MMAA: variants seen among roughly 807,000 people sequenced by gnomAD.
MMAA encodes methylmalonic aciduria type A protein, mitochondrial.
A neutral mutation model predicts 45.0 loss-of-function variants in MMAA; 41 were observed. That is an observed-to-expected ratio of 0.91 (90% CI 0.71 to 1.18). MMAA has a LOEUF of 1.18. Ranked by LOEUF, MMAA falls within the 50% of genes most tolerant of loss-of-function variation. MMAA has a pLI of 0.00. For missense variants in MMAA, 460 were observed against 495.7 expected (o/e 0.93, Z 0.68); for synonymous variants, 154 against 178.2 (o/e 0.86, Z 1.08).
At chr4:145,647,843 GGTTTGTTT>G (rs113872289) in intron 4 of MMAA, among the ~76,000 whole-genome samples, 4,902 of 151,920 alleles carry the variant, frequency 0.032, 101 homozygotes, top group Middle Eastern at 0.082. Context: ...ATAGGAATGT[GGTTTGTTT>G]GTTTGTTTGT....
chr4:145,655,471 T>A lies in MMAA; in HGVS notation c.*37T>A, dbSNP rs962684570. The A allele has an allele frequency of 6.5e-7, 1 of 1,537,376 alleles. No homozygotes were observed. The highest frequency in any genetic ancestry group is 8.9e-7 in the Non-Finnish European group (1 of 1,125,176). On this transcript the variant is annotated 3_prime_UTR_variant, in exon 7 of 7. Coordinates refer to ENST00000649156, the MANE Select transcript of MMAA (RefSeq NM_172250.3). ...CTGTATAATAATTTTACATATCATTTCATAAAGTATTTTAATAGAAAAATC... is the reference window on the plus strand; with the variant it reads ...CTGTATAATAATTTTACATATCATTACATAAAGTATTTTAATAGAAAAATC...
chr4:145,657,642 G>C lies in MMAA; in HGVS notation c.*2208G>C, dbSNP rs138876977. On this transcript the variant is annotated 3_prime_UTR_variant, in exon 7 of 7. Coordinates refer to ENST00000649156, the MANE Select transcript of MMAA (RefSeq NM_172250.3). ...TGTACAGTGCTTAGCCTCAATAATT[G>C]GTAGGTGGTGGTGTAAATATTTTAC... 6.6e-6 allele frequency: 1 copy of C among 152,114 alleles called. No individual in the cohort carries two copies. The highest frequency in any genetic ancestry group is 1.9e-4 in the East Asian group (1 of 5,198). The allele number at this position is 152,114 out of a possible 1,614,324, so 9.4% of individuals were successfully genotyped here. A position where few individuals can be genotyped will look rare whatever the true frequency, so the allele number is the denominator to read the frequency against.
chr4:145,624,807 C>T (rs1734166209), intron 1 of MMAA: 4 of 1,606,884 alleles, frequency 2.5e-6, no homozygotes, highest in African/African-American at 2.7e-5. Context: ...CTCATTGGCT[C>T]TGCACACCTC....
chr4:145,647,925 C>T (rs892020842), intron 4 of MMAA, among the ~76,000 whole-genome samples: 12 of 151,062 alleles, frequency 7.9e-5, no homozygotes, highest in African/African-American at 1.5e-4. Context: ...TGCGGGGTCT[C>T]GGCTCACTGC....
Position 145,652,224 on chromosome 4 carries a change from A to G in MMAA, c.819+1077A>G, listed in dbSNP as rs946440918. ...GGCATATTGATGTGTATCACCAACC[A>G]GAAGGCTCCCCTGAGCTTTAGTGTC... On this transcript the variant is annotated intron_variant, in intron 5 of 6. Transcript: ENST00000649156. Among the ~76,000 whole-genome samples the G allele has an allele frequency of 2.0e-5, 3 of 152,148 alleles. No homozygotes were observed. The East Asian group carries it at 5.8e-4, about 29-fold the overall frequency.
intron 3 of MMAA, among the ~76,000 whole-genome samples, chr4:145,643,436 T>G (rs1727841842): frequency 6.6e-6 from 1 of 152,146 alleles, no homozygotes; most frequent in South Asian, 2.1e-4. Context: ...TATGGAAGTA[T>G]TTGGTTTTTG....
intron 6 of MMAA, among the ~76,000 whole-genome samples, chr4:145,654,934 C>T (rs1029738724): frequency 6.6e-6 from 1 of 152,130 alleles, no homozygotes; most frequent in African/African-American, 2.4e-5. Context: ...GACCTTGAAT[C>T]AGTGTTTTAT....
chr4:145,625,067 T>A, intron 1 of MMAA: 1 of 925,740 alleles, frequency 1.1e-6, no homozygotes, highest in Non-Finnish European at 1.8e-6. Flanking sequence ...ACTGCCATTC[T>A]CGGGCTTCCC....
At chr4:145,624,682 T>C (rs1734163417) in intron 1 of MMAA, 2 of 1,501,384 alleles carry the variant, frequency 1.3e-6, no homozygotes, top group Non-Finnish European at 1.8e-6. Flanking sequence ...GGCTCAGGTT[T>C]GGGTTCCATG....
At chr4:145,632,112 A>G (rs927996113) in intron 1 of MMAA, among the ~76,000 whole-genome samples, 1 of 152,228 alleles carries the variant, frequency 6.6e-6, no homozygotes, top group Non-Finnish European at 1.5e-5. Context: ...TTGTACCTTC[A>G]GATGATTTCT....
intron 1 of MMAA, chr4:145,624,162 C>T (rs1734147975): frequency 4.7e-6 from 5 of 1,058,432 alleles, no homozygotes; most frequent in Non-Finnish European, 7.4e-6. Context: ...CACTCCTTCA[C>T]ATCTGTAGAG....
At chr4:145,620,078 A>G (rs1332681641) in intron 1 of MMAA, among the ~76,000 whole-genome samples, 1 of 152,248 alleles carries the variant, frequency 6.6e-6, no homozygotes, top group Non-Finnish European at 1.5e-5. Context: ...AACATAAACT[A>G]ATAAAACTTT....
At position 145,639,525 on chromosome 4, in the gene MMAA, AC is replaced by A; in HGVS notation, c.388del (p.His130ThrfsTer13). On this transcript the variant is annotated frameshift_variant, in exon 2 of 7. Transcript: ENST00000649156. LOFTEE classifies it high-confidence loss of function. ...AQVLLQKVLL[Y>X]HREQEQSNKG... ...GTGCTTCTTCAGAAAGTATTACTTT[AC>A]CACAGAGAACAAGAACAATCAAATA... 6.2e-7 allele frequency: 1 copy of A among 1,613,324 alleles called. No individual in the cohort carries two copies.
intron 6 of MMAA, among the ~76,000 whole-genome samples, chr4:145,654,344 G>C (rs1033150411): frequency 2.0e-5 from 3 of 152,170 alleles, no homozygotes; most frequent in African/African-American, 7.2e-5. Flanking sequence ...AACTAGATCA[G>C]AGATGATAGA....
chr4:145,631,869 T>G (rs1727449824), intron 1 of MMAA, among the ~76,000 whole-genome samples: 1 of 152,208 alleles, frequency 6.6e-6, no homozygotes, highest in African/African-American at 2.4e-5. Flanking sequence ...ACCCATTATT[T>G]TAAGCTGATA....
chr4:145,652,504 G>A (rs916511464), intron 5 of MMAA, among the ~76,000 whole-genome samples: 10 of 151,966 alleles, frequency 6.6e-5, no homozygotes, highest in Non-Finnish European at 8.8e-5. Flanking sequence ...CGAGGTGGGC[G>A]GATCACGAGG....
chr4:145,632,572 T>G (rs1727479230), intron 1 of MMAA, among the ~76,000 whole-genome samples: 1 of 152,226 alleles, frequency 6.6e-6, no homozygotes, highest in Non-Finnish European at 1.5e-5. Flanking sequence ...CTGTTATCCC[T>G]TTGAATAAAC....
At chr4:145,650,875 G>A in intron 4 of MMAA, 187 bp from the exon 5 acceptor site, 1 of 634,020 alleles carries the variant, frequency 1.6e-6, no homozygotes, top group Admixed American at 2.3e-5. Flanking sequence ...AAGGATAACG[G>A]GTTTGCTTAG....
chr4:145,630,523 G>A (rs1427417001), intron 1 of MMAA, among the ~76,000 whole-genome samples: 2 of 152,272 alleles, frequency 1.3e-5, no homozygotes. Context: ...GAGGTTGGGA[G>A]TTTGACACCA....
Sources: gnomAD v4.1 joint callset for allele counts (sites outside exome capture counted in the v4.1 genomes callset) on GRCh38, gnomAD v4.1.1 for gene constraint, MANE v1.5 for transcripts, NCBI Gene and HGNC (gene_info 2026-07-23, HGNC 2026-07-21) for gene names.